The following TATDN1 variants were observed in gnomAD, a reference collection of about 807,000 sequenced individuals.
TATDN1 encodes the protein deoxyribonuclease TATDN1.
In TATDN1, 40 loss-of-function variants were observed where a neutral mutation model predicts 46.4. The ratio of observed to expected loss-of-function variants is 0.86; its 90% CI spans 0.67 to 1.12. TATDN1 has a LOEUF of 1.12. Among genes scored for constraint, TATDN1 ranks in the 50% most tolerant of loss-of-function variants. TATDN1 has a pLI of 0.00. For synonymous variants in TATDN1, 95 were observed against 105.6 expected (o/e 0.90, Z 0.62); for missense variants, 326 against 348.4 (o/e 0.94, Z 0.51).
At chr8:124,534,550 T>C (rs1055479916) in intron 1 of TATDN1, among the ~76,000 whole-genome samples, 1 of 152,166 alleles carries the variant, frequency 6.6e-6, no homozygotes. Flanking sequence ...ACTCCCGGGC[T>C]CAAGCAGTCC....
At chr8:124,506,707 C>G (rs1007573385) in intron 8 of TATDN1, among the ~76,000 whole-genome samples, 2 of 152,174 alleles carry the variant, frequency 1.3e-5, no homozygotes, top group Non-Finnish European at 2.9e-5. Context: ...TTTCCTCTTT[C>G]CTTAGCAGGC....
chr8:124,535,379 T>C (rs1295340214), intron 1 of TATDN1, among the ~76,000 whole-genome samples: 1 of 152,176 alleles, frequency 6.6e-6, no homozygotes, highest in Non-Finnish European at 1.5e-5. Flanking sequence ...TATGGCCCTT[T>C]AAGGAAAAAG....
Position 124,493,821 on chromosome 8 carries a change from CA to C in TATDN1, c.791+11del. The C allele has an allele frequency of 6.3e-7, 1 of 1,588,642 alleles. No individual in the cohort carries two copies. The highest frequency in any genetic ancestry group is 8.5e-7 in the Non-Finnish European group (1 of 1,172,604). On this transcript the variant is annotated intron_variant, in intron 11 of 11. Transcript: ENST00000276692. ...CTAATGATTTTGAAGACCATGAAAG[CA>C]AAATACTCACATTATATGGCAGGGT... is the stretch of plus-strand genomic sequence containing the variant.
At position 124,491,860 on chromosome 8, in the gene TATDN1, T is replaced by C. The variant is rs577576039; in HGVS notation, c.791+1973A>G. Among the ~76,000 whole-genome samples, 20 of 152,294 alleles carry C rather than the reference T, an allele frequency of 1.3e-4. No individual in the cohort carries two copies. In the South Asian group the frequency reaches 3.5e-3, roughly 27 times the overall value. On this transcript the variant is annotated intron_variant, in intron 11 of 11. Coordinates refer to ENST00000276692, the MANE Select transcript of TATDN1 (RefSeq NM_032026.4). The stretch of plus-strand genomic sequence containing the variant: ...TTGCCAACTCATAATTAGCAGTAGA[T>C]TAGAGGATTGTGTATTTTTTAAATG...
At chr8:124,498,649 G>A (rs909159361) in intron 9 of TATDN1, among the ~76,000 whole-genome samples, 1 of 151,968 alleles carries the variant, frequency 6.6e-6, no homozygotes, top group African/African-American at 2.4e-5. Context: ...AGTTTCACCT[G>A]TCTTCAGAAA....
intron 11 of TATDN1, among the ~76,000 whole-genome samples, chr8:124,492,751 CAAAA>C (rs397892964): frequency 9.7e-5 from 7 of 72,354 alleles, no homozygotes; most frequent in African/African-American, 3.1e-4. Flanking sequence ...AAGATGGTCT[CAAAA>C]AAAAAAAAAA....
intron 11 of TATDN1, chr8:124,488,992 G>A (rs975545597): frequency 8.2e-5 from 27 of 331,132 alleles, no homozygotes; most frequent in Non-Finnish European, 2.8e-5. Flanking sequence ...GAAATGAAGA[G>A]TCCTTTTCAA....
intron 4 of TATDN1, among the ~76,000 whole-genome samples, chr8:124,516,952 A>G (rs893509344): frequency 9.2e-5 from 14 of 152,214 alleles, no homozygotes; most frequent in African/African-American, 2.9e-4. Context: ...GTTTAGAAAA[A>G]AAGGAAGCAG....
intron 8 of TATDN1, among the ~76,000 whole-genome samples, chr8:124,507,171 A>T (rs1367407665): frequency 1.3e-5 from 2 of 152,092 alleles, no homozygotes; most frequent in Non-Finnish European, 2.9e-5. Flanking sequence ...AAAAAAAAAA[A>T]AATCACTGCC....
At chr8:124,505,921 C>T (rs1264922806) in intron 8 of TATDN1, among the ~76,000 whole-genome samples, 3 of 140,564 alleles carry the variant, frequency 2.1e-5, no homozygotes, top group Non-Finnish European at 3.1e-5. Flanking sequence ...TAAACCATTT[C>T]AGAAAACTAG....
chr8:124,490,571 G>A (rs1229089581), intron 11 of TATDN1, among the ~76,000 whole-genome samples: 1 of 152,110 alleles, frequency 6.6e-6, no homozygotes, highest in Non-Finnish European at 1.5e-5. Flanking sequence ...TTTACTGTTT[G>A]ATAATGCAGT....
intron 2 of TATDN1, 48 bp from the exon 3 acceptor site, chr8:124,522,248 T>G (rs1351159266): frequency 7.6e-7 from 1 of 1,317,192 alleles, no homozygotes; most frequent in Non-Finnish European, 1.1e-6. Context: ...GACAAAAATT[T>G]GACTTTTTTT....
At chr8:124,520,411 T>A (rs950785736) in intron 3 of TATDN1, among the ~76,000 whole-genome samples, 1 of 149,364 alleles carries the variant, frequency 6.7e-6, no homozygotes, top group South Asian at 2.1e-4. Flanking sequence ...CACTCCAGCC[T>A]GGGGGACAGA....
chr8:124,509,908 C>T (rs1400200393), intron 6 of TATDN1, among the ~76,000 whole-genome samples: 3 of 151,798 alleles, frequency 2.0e-5, no homozygotes, highest in Non-Finnish European at 4.4e-5. Flanking sequence ...CATGTTGGCA[C>T]ATGCCTGTAA....
chr8:124,526,321 G>C (rs1000425431), intron 1 of TATDN1, among the ~76,000 whole-genome samples: 2 of 152,118 alleles, frequency 1.3e-5, no homozygotes, highest in Admixed American at 1.3e-4. Flanking sequence ...GACCTTTTTG[G>C]TTATTTGAGG....
At chr8:124,532,475 G>A (rs1821050684) in intron 1 of TATDN1, among the ~76,000 whole-genome samples, 1 of 152,098 alleles carries the variant, frequency 6.6e-6, no homozygotes. Flanking sequence ...ATAGAGACGA[G>A]GTTTCACCAT....
chr8:124,508,714 C>A (rs189304446), intron 6 of TATDN1, 26 bp from the exon 7 acceptor site: 4 of 1,352,278 alleles, frequency 3.0e-6, no homozygotes, highest in Non-Finnish European at 4.0e-6. Flanking sequence ...AAAAAAAATT[C>A]TCATTACAAA....
chr8:124,504,155 A>G (rs911112882), intron 9 of TATDN1, 116 bp downstream of exon 9: 5 of 788,824 alleles, frequency 6.3e-6, no homozygotes, highest in Non-Finnish European at 1.0e-5. Context: ...AGCAAAGATC[A>G]ATGCAAACAC....
intron 9 of TATDN1, among the ~76,000 whole-genome samples, chr8:124,499,909 A>G (rs1489322907): frequency 2.0e-5 from 3 of 149,530 alleles, no homozygotes; most frequent in Admixed American, 6.7e-5. Context: ...CAGTGGCATG[A>G]TTTCGGCTCA....
Sources: allele counts gnomAD v4.1 joint callset (sites outside exome capture counted in the v4.1 genomes callset), GRCh38; gene constraint gnomAD v4.1.1; transcripts MANE v1.5; gene names NCBI Gene and HGNC (gene_info 2026-07-23, HGNC 2026-07-21).